PARPBP: variants seen among roughly 807,000 people sequenced by gnomAD.
The protein encoded by PARPBP is PARP1 binding protein, also known as PCNA-interacting partner.
PARPBP carries 52 observed loss-of-function variants against 50.0 expected under a neutral mutation model. The ratio of observed to expected loss-of-function variants is 1.04; its 90% confidence interval spans 0.83 to 1.31. The LOEUF (loss-of-function observed/expected upper bound fraction) is 1.31. Among genes scored for constraint, PARPBP ranks in the 50% most tolerant of loss-of-function variants. The pLI, the probability that PARPBP is intolerant of heterozygous loss-of-function variation, is 0.00. For missense variants in PARPBP, 697 were observed against 672.0 expected, an observed-to-expected ratio of 1.04 and a Z score of -0.41; for synonymous variants, 244 against 232.1, an observed-to-expected ratio of 1.05 and a Z score of -0.47.
chr12:102,121,614 T>C (rs923087399), intron 1 of PARPBP, among the ~76,000 whole-genome samples: 10 of 145,406 alleles, frequency 6.9e-5, no homozygotes, highest in African/African-American at 2.6e-4. Context: ...AGTGCAGTAG[T>C]GCTATCTTGG....
chr12:102,157,991 G>C (rs1226035447), intron 4 of PARPBP, among the ~76,000 whole-genome samples: 2 of 151,612 alleles, frequency 1.3e-5, no homozygotes, highest in Non-Finnish European at 2.9e-5. Flanking sequence ...GTAATGGTGG[G>C]CGCCTGTAGT....
At chr12:102,179,922 C>G (rs1172200009) in intron 8 of PARPBP, among the ~76,000 whole-genome samples, 1 of 152,162 alleles carries the variant, frequency 6.6e-6, no homozygotes, top group Non-Finnish European at 1.5e-5. Context: ...TTGATCTCTT[C>G]TATTTTCTAC....
chr12:102,179,064 G>A (rs1196443453), intron 8 of PARPBP, among the ~76,000 whole-genome samples: 1 of 152,102 alleles, frequency 6.6e-6, no homozygotes, highest in Non-Finnish European at 1.5e-5. Flanking sequence ...TTTGCTAAAT[G>A]TTTCAGTTAA....
intron 4 of PARPBP, among the ~76,000 whole-genome samples, chr12:102,158,148 A>C (rs1414509623): frequency 6.7e-6 from 1 of 148,844 alleles, no homozygotes; most frequent in Non-Finnish European, 1.5e-5. Flanking sequence ...AAAAAAGAAT[A>C]GTGAGCTTCT....
chr12:102,125,030 C>T (rs967142764), intron 2 of PARPBP, among the ~76,000 whole-genome samples: 30 of 152,042 alleles, frequency 2.0e-4, no homozygotes, highest in African/African-American at 7.2e-4. Context: ...TGTTTTCTAC[C>T]TGTGAATAGT....
intron 6 of PARPBP, among the ~76,000 whole-genome samples, chr12:102,171,903 T>C (rs1345692737): frequency 6.6e-6 from 1 of 152,166 alleles, no homozygotes; most frequent in African/African-American, 2.4e-5. Flanking sequence ...ATTTTTCATA[T>C]ATTTTATGTG....
In PARPBP at chr12:102,126,419, G is replaced by A. The variant is rs181144662; in HGVS notation, c.153+2378G>A. 1.1e-3 allele frequency among the ~76,000 whole-genome samples: 160 copies of A among 152,230 alleles called. 1 individual carries two copies. The highest frequency in any genetic ancestry group is 3.8e-3 in the African/African-American group (156 of 41,534). ...TTTTCTATTTTCTACTGTAGTTTTA[G>A]GTGTTCTGTACCAGGAAGTTTTTCT... On this transcript the variant is annotated intron_variant, in intron 2 of 10. Coordinates refer to ENST00000327680, the MANE Select transcript of PARPBP (RefSeq NM_017915.5).
chr12:102,195,318 C>T lies in PARPBP; in HGVS notation c.1270C>T (p.Gln424Ter). Residue 424 changes from glutamine (Q) to a stop codon, truncating the protein, a stop_gained, in exon 10 of 11, where the codon CAA becomes TAA. Coordinates refer to ENST00000327680, the MANE Select transcript of PARPBP (RefSeq NM_017915.5). LOFTEE classifies it high-confidence loss of function. ...SMQEKKIKMK[Q>*]TLIRSQFACT... ...TCTTTCTTTCTGTTACTAGATGAAG[C>T]AAACTTTAATTAGATCCCAATTTGC... The T allele has an allele frequency of 1.3e-6, 2 of 1,533,794 alleles. No homozygotes were observed. Among genetic ancestry groups the T allele is most frequent in the Non-Finnish European group, 1.8e-6 (2 of 1,128,154 alleles).
intron 5 of PARPBP, among the ~76,000 whole-genome samples, chr12:102,165,435 G>C (rs1378075382): frequency 6.6e-6 from 1 of 152,050 alleles, no homozygotes; most frequent in Admixed American, 6.6e-5. Flanking sequence ...GAGTTCTTTA[G>C]AGTCAATAAT....
intron 2 of PARPBP, among the ~76,000 whole-genome samples, chr12:102,147,404 A>C (rs538614373): frequency 6.6e-6 from 1 of 152,150 alleles, no homozygotes; most frequent in Non-Finnish European, 1.5e-5. Context: ...TGATGAGTTC[A>C]TGTCCTTTGT....
chr12:102,175,185 A>G (rs1889140855), intron 6 of PARPBP, among the ~76,000 whole-genome samples: 2 of 152,248 alleles, frequency 1.3e-5, no homozygotes, highest in African/African-American at 2.4e-5. Context: ...TATTTTAAAT[A>G]TATTGCATGT....
chr12:102,134,701 A>G (rs1356621368), intron 2 of PARPBP, among the ~76,000 whole-genome samples: 1 of 152,088 alleles, frequency 6.6e-6, no homozygotes, highest in Non-Finnish European at 1.5e-5. Context: ...GCTGTGAGAC[A>G]GGCTCTCACT....
intron 3 of PARPBP, among the ~76,000 whole-genome samples, chr12:102,152,680 A>G (rs955048119): frequency 1.3e-5 from 2 of 152,168 alleles, no homozygotes; most frequent in Non-Finnish European, 2.9e-5. Context: ...ATGAAAGTAT[A>G]AAAAAGCAGA....
intron 2 of PARPBP, 117 bp from the exon 3 acceptor site, chr12:102,148,113 A>G: frequency 1.9e-6 from 1 of 517,194 alleles, no homozygotes; most frequent in Non-Finnish European, 3.3e-6. Context: ...TCAAACCCAC[A>G]AAAATTGAAT....
chr12:102,157,628 G>T (rs1213171346), intron 4 of PARPBP, among the ~76,000 whole-genome samples: 1 of 151,800 alleles, frequency 6.6e-6, no homozygotes, highest in East Asian at 1.9e-4. Context: ...TATCTTATTG[G>T]GAAACAAACT....
intron 9 of PARPBP, among the ~76,000 whole-genome samples, chr12:102,190,956 A>G (rs545276675): frequency 6.6e-6 from 1 of 152,152 alleles, no homozygotes; most frequent in African/African-American, 2.4e-5. Flanking sequence ...AGCAAAGTCT[A>G]TAAGGGACTG....
rs147888261 is a variant in PARPBP, at chr12:102,180,525, A to G, written c.1184+1755A>G. On this transcript the variant is annotated intron_variant, in intron 8 of 10. Transcript: ENST00000327680. The stretch of plus-strand genomic sequence containing the variant: ...TGAGTCCAATCTGTGCAACATAGTA[A>G]GACTCTATCTCTGCAAAAATAAAAA... Among the ~76,000 whole-genome samples, 898 of 152,256 alleles carry G rather than the reference A, an allele frequency of 5.9e-3. 11 individuals are homozygous for G. The highest frequency in any genetic ancestry group is 0.02 in the African/African-American group (843 of 41,544).
chr12:102,162,899 T>C (rs1258643488), intron 4 of PARPBP, among the ~76,000 whole-genome samples: 1 of 152,228 alleles, frequency 6.6e-6, no homozygotes, highest in Non-Finnish European at 1.5e-5. Context: ...ATTGTGCTTC[T>C]GGTGTCTTAT....
At chr12:102,189,532 A>C (rs997850857) in intron 9 of PARPBP, among the ~76,000 whole-genome samples, 4 of 152,214 alleles carry the variant, frequency 2.6e-5, no homozygotes, top group Non-Finnish European at 5.9e-5. Context: ...TAAACAATGC[A>C]GTTCTAATGG....
Sources: allele counts gnomAD v4.1 joint callset (sites outside exome capture counted in the v4.1 genomes callset), GRCh38; gene constraint gnomAD v4.1.1; transcripts MANE v1.5; gene names NCBI Gene and HGNC (gene_info 2026-07-23, HGNC 2026-07-21).